Variants in GNG12 observed in about 807,000 individuals in gnomAD.
The protein encoded by GNG12 is guanine nucleotide-binding protein G(I)/G(S)/G(O) subunit gamma-12.
For synonymous variants in GNG12, 28 were observed against 29.7 expected, an observed-to-expected ratio of 0.94 and a Z score of 0.19; for missense variants, 69 against 83.8, an observed-to-expected ratio of 0.82 and a Z score of 0.69.
At chr1:67,723,885 G>A (rs932841183) in intron 2 of GNG12, among the ~76,000 whole-genome samples, 1 of 152,138 alleles carries the variant, frequency 6.6e-6, no homozygotes, top group Non-Finnish European at 1.5e-5. Context: ...GTCACTTTAC[G>A]GGGTAAAAGG....
chr1:67,760,108 C>T (rs957831131), intron 2 of GNG12, among the ~76,000 whole-genome samples: 4 of 152,240 alleles, frequency 2.6e-5, no homozygotes, highest in Admixed American at 6.5e-5. Context: ...CTTTGTAGTG[C>T]TCTTCCTTCA....
intron 1 of GNG12, among the ~76,000 whole-genome samples, chr1:67,816,009 T>C (rs1402150186): frequency 1.3e-5 from 2 of 152,146 alleles, no homozygotes. Flanking sequence ...CGGCCGGGGC[T>C]CCATGATTTT....
In GNG12 at chr1:67,709,975, TATATATATATAG is replaced by T. The variant is rs1169141904; in HGVS notation, c.-26-2275_-26-2264del. Among the ~76,000 whole-genome samples the T allele has an allele frequency of 1.7e-3, 22 of 13,076 alleles. 3 individuals are homozygous for T. The highest frequency in any genetic ancestry group is 4.6e-3 in the African/African-American group (19 of 4,174). The allele number at this position is 13,076 out of a possible 152,430, so 8.6% of individuals were successfully genotyped here. ...TTATATATATAGTTATATATATAGT[TATATATATATAG>T]TTATATATATAGTTATATATATAGT... On this transcript the variant is annotated intron_variant, in intron 2 of 3. Coordinates refer to ENST00000370982, the MANE Select transcript of GNG12 (RefSeq NM_018841.6).
At chr1:67,729,703 T>C (rs1326864147) in intron 2 of GNG12, among the ~76,000 whole-genome samples, 1 of 152,222 alleles carries the variant, frequency 6.6e-6, no homozygotes. Flanking sequence ...GCCTGCTCTG[T>C]TGGAGGTTGT....
intron 2 of GNG12, among the ~76,000 whole-genome samples, chr1:67,743,009 T>C (rs1646491030): frequency 6.6e-6 from 1 of 151,880 alleles, no homozygotes; most frequent in Non-Finnish European, 1.5e-5. Context: ...AAAATACTGG[T>C]GTTTAGAATA....
At chr1:67,815,935 C>T (rs1353109246) in intron 1 of GNG12, among the ~76,000 whole-genome samples, 1 of 152,084 alleles carries the variant, frequency 6.6e-6, no homozygotes, top group Non-Finnish European at 1.5e-5. Flanking sequence ...TTGACCATGC[C>T]CTGGAGTTAC....
At chr1:67,802,968 T>C (rs1646874982) in intron 1 of GNG12, among the ~76,000 whole-genome samples, 1 of 151,996 alleles carries the variant, frequency 6.6e-6, no homozygotes, top group African/African-American at 2.4e-5. Flanking sequence ...AGCTAAGAGG[T>C]GTTAAGAGAG....
intron 2 of GNG12, among the ~76,000 whole-genome samples, chr1:67,728,029 C>G (rs1646397005): frequency 6.6e-6 from 1 of 152,108 alleles, no homozygotes; most frequent in Non-Finnish European, 1.5e-5. Flanking sequence ...TTGTTTTTCC[C>G]CTTTTAAACA....
intron 1 of GNG12, among the ~76,000 whole-genome samples, chr1:67,814,573 A>G (rs774544754): frequency 7.2e-5 from 11 of 152,176 alleles, no homozygotes; most frequent in Non-Finnish European, 1.3e-4. Flanking sequence ...TTTTATAAAC[A>G]TGGTACCTGC....
chr1:67,763,090 G>GGAGGGAGAGAGAGAGAGAGAGAGAGA, intron 2 of GNG12, among the ~76,000 whole-genome samples: 1 of 116,790 alleles, frequency 8.6e-6, no homozygotes. Context: ...TACCCTCCCA[G>GGAGGGAGAGAGAGAGAGAGAGAGAGA]GAGAGAGAGA....
chr1:67,768,208 T>C (rs1231142069), intron 2 of GNG12, among the ~76,000 whole-genome samples: 1 of 152,234 alleles, frequency 6.6e-6, no homozygotes, highest in Non-Finnish European at 1.5e-5. Context: ...AATAACCCTA[T>C]GCAGTATTAT....
At position 67,717,411 on chromosome 1, in the gene GNG12, G is replaced by A. The variant is rs999440367; in HGVS notation, c.-26-9699C>T. On this transcript the variant is annotated intron_variant, in intron 2 of 3. Coordinates refer to ENST00000370982, the MANE Select transcript of GNG12 (RefSeq NM_018841.6). ...CATGCCTATAGTCCCAGCTACTGGG[G>A]AGGCTGAGGCAGGAGAATCCCTTGA... 1.1e-3 allele frequency among the ~76,000 whole-genome samples: 164 copies of A among 151,910 alleles called. 2 individuals carry two copies. Among genetic ancestry groups the A allele is most frequent in the Non-Finnish European group, 8.8e-5 (6 of 68,000 alleles).
chr1:67,822,900 A>T (rs1469495805), intron 1 of GNG12, among the ~76,000 whole-genome samples: 1 of 152,172 alleles, frequency 6.6e-6, no homozygotes. Flanking sequence ...TTAATTTTAT[A>T]TTAAAATAGC....
At chr1:67,803,875 A>G (rs1442523267) in intron 1 of GNG12, among the ~76,000 whole-genome samples, 4 of 150,452 alleles carry the variant, frequency 2.7e-5, no homozygotes, top group African/African-American at 1.0e-4. Flanking sequence ...AAGTGTACCA[A>G]CAAAACAAAA....
chr1:67,716,319 C>G (rs1646325075), intron 2 of GNG12, among the ~76,000 whole-genome samples: 1 of 152,174 alleles, frequency 6.6e-6, no homozygotes, highest in African/African-American at 2.4e-5. Flanking sequence ...TATCTGGTGT[C>G]TTTCATTAGT....
At chr1:67,822,131 G>A (rs1346407601) in intron 1 of GNG12, among the ~76,000 whole-genome samples, 1 of 151,982 alleles carries the variant, frequency 6.6e-6, no homozygotes, top group East Asian at 1.9e-4. Flanking sequence ...GTATTGGGCC[G>A]CATTCAAAGT....
At chr1:67,711,995 T>C (rs1426920853) in intron 2 of GNG12, among the ~76,000 whole-genome samples, 1 of 152,196 alleles carries the variant, frequency 6.6e-6, no homozygotes, top group African/African-American at 2.4e-5. Context: ...AGGGCCACTG[T>C]GTGATCCCTG....
chr1:67,768,894 A>C (rs1342354277), intron 2 of GNG12, among the ~76,000 whole-genome samples: 2 of 152,246 alleles, frequency 1.3e-5, no homozygotes, highest in African/African-American at 4.8e-5. Context: ...ATATGCTTTT[A>C]GGCCAAGAGA....
intron 2 of GNG12, among the ~76,000 whole-genome samples, chr1:67,717,853 T>C (rs556257029): frequency 6.6e-6 from 1 of 152,358 alleles, no homozygotes; most frequent in Non-Finnish European, 1.5e-5. Context: ...TGTGCTTTTA[T>C]AGCCAGATAA....
Sources: gnomAD v4.1 joint callset for allele counts (sites outside exome capture counted in the v4.1 genomes callset) on GRCh38, gnomAD v4.1.1 for gene constraint, MANE v1.5 for transcripts, NCBI Gene and HGNC (gene_info 2026-07-23, HGNC 2026-07-21) for gene names.